Variants in SLC3A1 observed in about 807,000 individuals in gnomAD.
The protein encoded by SLC3A1 is amino acid transporter heavy chain SLC3A1.
In SLC3A1, 78 loss-of-function variants were observed where a neutral mutation model predicts 60.3. That is an observed-to-expected ratio of 1.29 (90% CI 1.08 to 1.56). SLC3A1 has a LOEUF of 1.56. SLC3A1 is among the 40% of genes most tolerant of loss of function. The pLI, the probability that SLC3A1 is intolerant of heterozygous loss-of-function variation, is 0.00. For synonymous variants in SLC3A1, 392 were observed against 307.9 expected (o/e 1.27, Z -2.86); for missense variants, 1,172 against 858.9 (o/e 1.36, Z -4.56).
At chr2:44,307,499 C>A (rs1162143997) in intron 7 of SLC3A1, among the ~76,000 whole-genome samples, 2 of 151,890 alleles carry the variant, frequency 1.3e-5, no homozygotes, top group Admixed American at 6.6e-5. Context: ...TCTCATCAAG[C>A]CTTGTGATGG....
chr2:44,296,663 C>CCTTGA (rs1279173329), intron 4 of SLC3A1, among the ~76,000 whole-genome samples: 2 of 152,098 alleles, frequency 1.3e-5, no homozygotes, highest in Admixed American at 6.6e-5. Context: ...CTGTTGAGAC[C>CCTTGA]CTTGACTTGA....
At chr2:44,281,658 G>T in intron 3 of SLC3A1, 117 bp downstream of exon 3, 2 of 916,872 alleles carry the variant, frequency 2.2e-6, no homozygotes. Context: ...TCGGAAGGGG[G>T]CAAGTTTCTG....
intron 5 of SLC3A1, 91 bp downstream of exon 5, chr2:44,300,181 G>C (rs1399900201): frequency 1.5e-6 from 2 of 1,343,830 alleles, no homozygotes; most frequent in African/African-American, 1.4e-5. Context: ...CAGTTACAAA[G>C]ATGAGTTTTG....
chr2:44,287,306 T>C (rs1227240500), intron 4 of SLC3A1, among the ~76,000 whole-genome samples: 1 of 152,134 alleles, frequency 6.6e-6, no homozygotes, highest in African/African-American at 2.4e-5. Context: ...AGATGCTGTT[T>C]GGACAAAAAC....
rs373422626 is a variant in SLC3A1 at position 44,275,973 on chromosome 2, C to T, written c.430+8C>T. The T allele has an allele frequency of 9.3e-6, 15 of 1,612,806 alleles. No individual in the cohort carries two copies. The highest frequency in any genetic ancestry group is 1.7e-5 in the Admixed American group (1 of 60,010). ...GGAACGGAGATCTGAAAGGTACATGCCCAGAGATCATTTAGGGTGGGTGCC... is the reference window on the plus strand; with the variant it reads ...GGAACGGAGATCTGAAAGGTACATGTCCAGAGATCATTTAGGGTGGGTGCC... On this transcript the variant is annotated splice_region_variant and intron_variant, in intron 1 of 9. Coordinates refer to ENST00000260649, the MANE Select transcript of SLC3A1 (RefSeq NM_000341.4).
intron 6 of SLC3A1, chr2:44,303,913 T>C (rs1407890243): frequency 1.6e-6 from 1 of 618,684 alleles, no homozygotes; most frequent in Non-Finnish European, 2.9e-6. Flanking sequence ...CATGGACTCA[T>C]CCTTTTTTAT....
intron 7 of SLC3A1, among the ~76,000 whole-genome samples, chr2:44,307,895 T>C (rs76113181): frequency 0.022 from 3,339 of 152,196 alleles, 115 homozygotes; most frequent in African/African-American, 0.075. Flanking sequence ...TTAGAAACCA[T>C]TGCCTGGTCT....
In SLC3A1 at chr2:44,304,018, G is replaced by T. The variant is rs1672086670; in HGVS notation, c.1137-125G>T. The T allele has an allele frequency of 5.3e-5, 42 of 791,170 alleles. 1 individual carries two copies. The South Asian group carries it at 5.8e-4, about 11-fold the overall frequency. 49.0% of individuals were successfully genotyped at this position (791,170 alleles called of 1,614,324 possible). On this transcript the variant is annotated intron_variant, in intron 6 of 9. Coordinates refer to ENST00000260649, the MANE Select transcript of SLC3A1 (RefSeq NM_000341.4). The stretch of plus-strand genomic sequence containing the variant: ...TGATTATGCTTTCTAGAAGGTGCTA[G>T]TCCTATATGGTTAATAGTGTGCATT...
At chr2:44,291,191 A>T (rs1005851495) in intron 4 of SLC3A1, among the ~76,000 whole-genome samples, 1 of 152,182 alleles carries the variant, frequency 6.6e-6, no homozygotes, top group Admixed American at 6.5e-5. Flanking sequence ...CTTTTTCTGC[A>T]CAGATTTGTC....
chr2:44,301,149 C>A, intron 6 of SLC3A1, 22 bp downstream of exon 6: 2 of 1,614,130 alleles, frequency 1.2e-6, no homozygotes, highest in Non-Finnish European at 1.7e-6. Context: ...CATATGCTCT[C>A]ATTTCTTCCC....
intron 6 of SLC3A1, chr2:44,301,401 A>C (rs1346734365): frequency 1.7e-6 from 1 of 602,560 alleles, no homozygotes; most frequent in Non-Finnish European, 2.9e-6. Flanking sequence ...AAAAGAGATT[A>C]TATTAGCTAA....
chr2:44,296,962 T>C (rs961938233), intron 4 of SLC3A1, among the ~76,000 whole-genome samples: 1 of 152,204 alleles, frequency 6.6e-6, no homozygotes, highest in Non-Finnish European at 1.5e-5. Context: ...CCTTCTGCCA[T>C]GATTGTGAGG....
At chr2:44,312,797 A>G (rs1277483713) in intron 8 of SLC3A1, 44 bp downstream of exon 8, 19 of 1,549,256 alleles carry the variant, frequency 1.2e-5, no homozygotes, top group Non-Finnish European at 1.7e-5. Context: ...CTATAAAACC[A>G]AGTATTCATT....
At chr2:44,288,241 G>A (rs1054678435) in intron 4 of SLC3A1, among the ~76,000 whole-genome samples, 4 of 152,030 alleles carry the variant, frequency 2.6e-5, no homozygotes, top group African/African-American at 9.7e-5. Context: ...GGCCAGGCTG[G>A]TCTCAAACTC....
At chr2:44,278,002 G>GT (rs1342584985) in intron 1 of SLC3A1, among the ~76,000 whole-genome samples, 1 of 152,116 alleles carries the variant, frequency 6.6e-6, no homozygotes, top group Non-Finnish European at 1.5e-5. Flanking sequence ...CAGCCACTTT[G>GT]TTTTCATCCT....
chr2:44,278,799 G>T (rs1193835548), intron 1 of SLC3A1, among the ~76,000 whole-genome samples: 2 of 151,982 alleles, frequency 1.3e-5, no homozygotes, highest in Non-Finnish European at 2.9e-5. Context: ...TAAATTCCTG[G>T]GTTCCTATAT....
chr2:44,303,167 C>G (rs1235733289), intron 6 of SLC3A1, among the ~76,000 whole-genome samples: 1 of 149,986 alleles, frequency 6.7e-6, no homozygotes, highest in Non-Finnish European at 1.5e-5. Context: ...TGCCATTGCA[C>G]TCCAGCCTGG....
At chr2:44,296,016 G>C (rs1422201565) in intron 4 of SLC3A1, among the ~76,000 whole-genome samples, 1 of 152,186 alleles carries the variant, frequency 6.6e-6, no homozygotes, top group Non-Finnish European at 1.5e-5. Flanking sequence ...GCAAAGAAGG[G>C]GAGTTAGATG....
chr2:44,317,356 G>A (rs1228423683), intron 9 of SLC3A1, among the ~76,000 whole-genome samples: 1 of 151,924 alleles, frequency 6.6e-6, no homozygotes, highest in East Asian at 1.9e-4. Flanking sequence ...CAACTACTCA[G>A]GAGGCTGAGG....
Sources: allele counts gnomAD v4.1 joint callset (sites outside exome capture counted in the v4.1 genomes callset), GRCh38; gene constraint gnomAD v4.1.1; transcripts MANE v1.5; gene names NCBI Gene and HGNC (gene_info 2026-07-23, HGNC 2026-07-21).